The following DDT variants were observed in gnomAD, a reference collection of about 807,000 sequenced individuals.
The protein encoded by DDT is D-dopachrome decarboxylase.
Under a neutral mutation model 2.5 loss-of-function variants are expected in DDT, and 4 were observed. The ratio of observed to expected loss-of-function variants is 1.59; its 90% CI spans 0.78 to 3.63. The LOEUF is 3.63. DDT is among the 30% of genes most tolerant of loss of function. The pLI is 0.01. For synonymous variants in DDT, 11 were observed against 10.0 expected, an observed-to-expected ratio of 1.10 and a Z score of -0.19; for missense variants, 32 against 30.0, an observed-to-expected ratio of 1.07 and a Z score of -0.15.
At chr22:23,971,842 A>T in intron 2 of DDT, 1 of 576,410 alleles carries the variant, frequency 1.7e-6, no homozygotes. Flanking sequence ...TGACCCAGCT[A>T]GGACAGACAC....
At chr22:23,973,357 A>G in intron 2 of DDT, 1 of 4,142 alleles carries the variant, frequency 2.4e-4, no homozygotes, top group Non-Finnish European at 4.2e-4. Flanking sequence ...GCTGGGACAC[A>G]GGTCCAAAAT....
At chr22:23,971,853 A>C in intron 2 of DDT, 1 of 551,196 alleles carries the variant, frequency 1.8e-6, no homozygotes, top group South Asian at 2.3e-5. Context: ...GGACAGACAC[A>C]CAATACAGTA....
At chr22:23,971,674 T>C (rs1175877006) in intron 2 of DDT, 51 bp from the exon 3 acceptor site, 2 of 1,548,140 alleles carry the variant, frequency 1.3e-6, no homozygotes, top group Non-Finnish European at 1.8e-6. Context: ...TAATACCACA[T>C]CTTGCAAGAC....
Position 23,971,541 on chromosome 22 carries a change from C to T in DDT, c.*10G>A. 6.2e-7 allele frequency: 1 copy of T among 1,614,012 alleles called. No homozygotes were observed. The highest frequency in any genetic ancestry group is 2.2e-5 in the East Asian group (1 of 44,876). On this transcript the variant is annotated 3_prime_UTR_variant, in exon 3 of 3. Transcript: ENST00000398344. ...CAGTTCACAGATGCCCTGGATCCCT[C>T]CGTGCCCAATCATAAAAAAGTCATG...
intron 2 of DDT, chr22:23,973,016 T>C (rs2033934616): frequency 2.5e-4 from 1 of 4,060 alleles, no homozygotes; most frequent in Admixed American, 1.5e-3. Flanking sequence ...ATTACAGGCA[T>C]GAGCCACCGT....
intron 2 of DDT, chr22:23,972,862 CTAAG>C (rs1425913637): frequency 2.3e-5 from 2 of 87,294 alleles, no homozygotes; most frequent in East Asian, 3.2e-4. Context: ...AGCCTGCCAA[CTAAG>C]TGAGACTACA....
intron 2 of DDT, 106 bp from the exon 3 acceptor site, chr22:23,971,729 C>T (rs766322931): frequency 5.0e-6 from 5 of 1,004,200 alleles, no homozygotes; most frequent in Non-Finnish European, 7.3e-6. Context: ...CAGCCTGCCT[C>T]AGTCCACCAG....
chr22:23,972,670 C>T (rs1232003753), intron 2 of DDT: 2 of 832,856 alleles, frequency 2.4e-6, no homozygotes, highest in African/African-American at 3.7e-5. Context: ...TCCTCTGTAG[C>T]TTGAGGGAGG....
At chr22:23,972,783 T>C (rs2033931602) in intron 2 of DDT, 1 of 486,520 alleles carries the variant, frequency 2.1e-6, no homozygotes, top group South Asian at 1.2e-4. Context: ...TCACACAGGA[T>C]GGAGTGCAAT....
At chr22:23,971,650 A>G (rs2146209735) in intron 2 of DDT, 27 bp from the exon 3 acceptor site, 1 of 1,594,616 alleles carries the variant, frequency 6.3e-7, no homozygotes, top group East Asian at 2.2e-5. Context: ...AAAAGATATC[A>G]TCAGCTCCTT....
In DDT at chr22:23,972,545, T is replaced by C. The variant is rs1364913304; in HGVS notation, c.285-922A>G. 5 of 961,840 alleles carry C rather than the reference T, an allele frequency of 5.2e-6. No homozygotes were observed. The African/African-American group carries it at 7.0e-5, about 13-fold the overall frequency. 59.6% of individuals were successfully genotyped at this position (961,840 alleles called of 1,614,324 possible). ...GAATAATGACAAGGAATAAAGTCTA[T>C]ACGTATTTTCAGTATAGATGCAATT... On this transcript the variant is annotated intron_variant, in intron 2 of 2. Transcript: ENST00000398344.
In DDT at chr22:23,971,612, C is replaced by T. The variant is rs537065055; in HGVS notation, c.296G>A (p.Arg99His). 29 of 1,614,040 alleles carry T rather than the reference C, an allele frequency of 1.8e-5. No individual in the cohort carries two copies. The highest frequency in any genetic ancestry group is 2.7e-5 in the African/African-American group (2 of 75,014). ...CTGCCAGGACTCCAAGGGGAAAAAGCGGATAAGTATCCTTCAGGAGACAGA... is the reference window on the plus strand; with the variant it reads ...CTGCCAGGACTCCAAGGGGAAAAAGTGGATAAGTATCCTTCAGGAGACAGA... ...LALGQDRILI[R>H]FFPLESWQIG... The change falls in exon 3 of 3, where the codon CGC becomes CAC. Residue 99 changes from arginine to histidine, a missense_variant. Arg to His is a conservative substitution (Grantham distance 29). Transcript: ENST00000398344.
intron 2 of DDT, chr22:23,972,313 A>T: frequency 3.8e-6 from 3 of 791,734 alleles, no homozygotes; most frequent in Non-Finnish European, 4.6e-6. Context: ...TTGTTAGAGT[A>T]ACAGTTTTCC....
At position 23,971,822 on chromosome 22, in the gene DDT, C is replaced by A. The variant is rs143932987; in HGVS notation, c.285-199G>T. ...TGGGACACTCAGGTGTGGGAGGTAG[C>A]CGCACATCATGACCCAGCTAGGACA... On this transcript the variant is annotated intron_variant, in intron 2 of 2. Coordinates refer to ENST00000398344, the MANE Select transcript of DDT (RefSeq NM_001084392.3). The A allele has an allele frequency of 4.5e-4, 266 of 594,312 alleles. 1 individual carries two copies. The highest frequency in any genetic ancestry group is 2.1e-3 in the African/African-American group (112 of 53,862). 36.8% of individuals were successfully genotyped at this position (594,312 alleles called of 1,614,324 possible). A position where few individuals can be genotyped will look rare whatever the true frequency, so the allele number is the denominator to read the frequency against.
At position 23,971,611 on chromosome 22, in the gene DDT, G is replaced by A; in HGVS notation, c.297C>T (p.Arg99=). The part of the protein sequence containing the change: ...LALGQDRILI[R]FFPLESWQIG... ...TCTGCCAGGACTCCAAGGGGAAAAA[G>A]CGGATAAGTATCCTTCAGGAGACAG... Residue 99 remains arginine (R), a synonymous_variant, in exon 3 of 3, where the codon CGC becomes CGT. Coordinates refer to ENST00000398344, the MANE Select transcript of DDT (RefSeq NM_001084392.3). The A allele has an allele frequency of 6.2e-7, 1 of 1,614,082 alleles. No individual in the cohort carries two copies. Among genetic ancestry groups the A allele is most frequent in the South Asian group, 1.1e-5 (1 of 91,082 alleles).
chr22:23,975,262 CGTT>C (rs1223988185), upstream of DDT, among the ~76,000 whole-genome samples: 21 of 147,748 alleles, frequency 1.4e-4, no homozygotes, highest in Non-Finnish European at 3.0e-5. Flanking sequence ...TGGTGGCAGA[CGTT>C]GTAATCCCAG....
chr22:23,972,304 T>G (rs2146210691), intron 2 of DDT: 1 of 824,576 alleles, frequency 1.2e-6, no homozygotes, highest in African/African-American at 1.9e-5. Context: ...TAACACTTGT[T>G]GTTAGAGTAA....
At chr22:23,972,707 C>A (rs1223561102) in intron 2 of DDT, 1 of 918,276 alleles carries the variant, frequency 1.1e-6, no homozygotes, top group Admixed American at 8.9e-5. Flanking sequence ...CATTCCTCAT[C>A]GACCTTCATG....
At chr22:23,972,096 C>T in intron 2 of DDT, 1 of 895,852 alleles carries the variant, frequency 1.1e-6, no homozygotes, top group South Asian at 5.1e-5. Context: ...AAAACCAGAA[C>T]TTGGGACAGC....
Sources: gnomAD v4.1 joint callset for allele counts (sites outside exome capture counted in the v4.1 genomes callset) on GRCh38, gnomAD v4.1.1 for gene constraint, MANE v1.5 for transcripts, NCBI Gene and HGNC (gene_info 2026-07-23, HGNC 2026-07-21) for gene names.